TP53BP1: variants seen among roughly 807,000 people sequenced by gnomAD.
TP53BP1 encodes TP53-binding protein 1.
A neutral mutation model predicts 200.8 loss-of-function variants in TP53BP1; 61 were observed. That is an observed-to-expected ratio of 0.30 (90% CI 0.25 to 0.38). TP53BP1 has a LOEUF of 0.38. Among genes scored for constraint, TP53BP1 ranks in the 10% least tolerant of loss-of-function variants. The pLI, the probability that TP53BP1 is intolerant of heterozygous loss-of-function variation, is 1.00. For synonymous variants in TP53BP1, 822 were observed against 844.3 expected, an observed-to-expected ratio of 0.97 and a Z score of 0.46; for missense variants, 2,144 against 2,371.9, an observed-to-expected ratio of 0.90 and a Z score of 2.00.
intron 15 of TP53BP1, among the ~76,000 whole-genome samples, chr15:43,440,121 A>T (rs905737539): frequency 1.3e-5 from 2 of 152,210 alleles, no homozygotes; most frequent in African/African-American, 4.8e-5. Context: ...CTTTTATTTG[A>T]TATTTTATTT....
chr15:43,507,073 T>C (rs1198716290), intron 1 of TP53BP1, among the ~76,000 whole-genome samples: 1 of 152,196 alleles, frequency 6.6e-6, no homozygotes, highest in Non-Finnish European at 1.5e-5. Context: ...CTGTGGAATG[T>C]ACTTTCACTT....
In TP53BP1 at chr15:43,480,001, C is replaced by A. The variant is rs922763206; in HGVS notation, c.516G>T (p.Gln172His). ...SLGAEDTASS[Q>H]LGFGVLELSQ... ...AGAGTTCCAGAACCCCAAAACCCAA[C>A]TGTGATGAGGCAGTATCTAGGAACA... The change falls in exon 6 of 28, where the codon CAG (glutamine) becomes CAT (histidine). Residue 172 changes from glutamine to histidine, a missense_variant. Physicochemically the swap from Gln to His is conservative, Grantham distance 24. Around this residue, in one of 4 missense-constraint regions of TP53BP1, gnomAD observed 1,700 missense variants for 1,710.3 expected, o/e 0.99. Coordinates refer to ENST00000382044, the MANE Select transcript of TP53BP1 (RefSeq NM_001141980.3). 6.2e-7 allele frequency: 1 copy of A among 1,613,968 alleles called. No homozygotes were observed. Among genetic ancestry groups the A allele is most frequent in the African/African-American group, 1.3e-5 (1 of 74,896 alleles).
intron 12 of TP53BP1, among the ~76,000 whole-genome samples, chr15:43,452,177 A>C (rs1055156161): frequency 6.6e-6 from 1 of 152,016 alleles, no homozygotes; most frequent in African/African-American, 2.4e-5. Flanking sequence ...TTTAGCAACT[A>C]AACAACTATA....
intron 1 of TP53BP1, among the ~76,000 whole-genome samples, chr15:43,492,723 C>T (rs983995051): frequency 6.6e-6 from 1 of 151,704 alleles, no homozygotes; most frequent in African/African-American, 2.4e-5. Flanking sequence ...ACACCCTTTC[C>T]CCTCCTTCCT....
At chr15:43,412,635 C>G (rs1162172459) in intron 24 of TP53BP1, 2 of 469,936 alleles carry the variant, frequency 4.3e-6, no homozygotes, top group African/African-American at 4.0e-5. Flanking sequence ...AGGCACCCCA[C>G]AGTCCCAGTC....
rs16957715 is a variant in TP53BP1, at chr15:43,416,539, T to G, written c.4682-123A>C. 152,500 of 868,182 alleles carry G rather than the reference T, an allele frequency of 0.18. 14,778 individuals carry two copies. Among genetic ancestry groups the G allele is most frequent in the Middle Eastern group, 0.25 (952 of 3,756 alleles). The allele number at this position is 868,182 out of a possible 1,614,324, so 53.8% of individuals were successfully genotyped here. A position where few individuals can be genotyped will look rare whatever the true frequency, so the allele number is the denominator to read the frequency against. ...TAGAGATCCAACAGTGGACTGAAGT[T>G]AGGACTTAACAAAATTCCAGTTGTC... On this transcript the variant is annotated intron_variant, in intron 21 of 27. Coordinates refer to ENST00000382044, the MANE Select transcript of TP53BP1 (RefSeq NM_001141980.3).
chr15:43,495,495 TCACACACACACACA>T (rs376410840), upstream of TP53BP1, among the ~76,000 whole-genome samples: 22 of 133,458 alleles, frequency 1.6e-4, no homozygotes, highest in Non-Finnish European at 2.9e-4. Flanking sequence ...TGAGACTCCG[TCACACACACACACA>T]CACACACACA....
At chr15:43,436,694 G>A (rs1420207100) in intron 16 of TP53BP1, among the ~76,000 whole-genome samples, 2 of 151,256 alleles carry the variant, frequency 1.3e-5, no homozygotes, top group East Asian at 3.9e-4. Context: ...TGTCACCCAG[G>A]CTCATCTCAA....
chr15:43,463,632 G>T (rs1033870555), intron 11 of TP53BP1, among the ~76,000 whole-genome samples: 1 of 152,064 alleles, frequency 6.6e-6, no homozygotes, highest in South Asian at 2.1e-4. Flanking sequence ...GAAGAAAAGA[G>T]AACTGCAAAA....
At chr15:43,468,910 A>G (rs896773092) in intron 11 of TP53BP1, among the ~76,000 whole-genome samples, 9 of 152,252 alleles carry the variant, frequency 5.9e-5, no homozygotes, top group Admixed American at 1.3e-4. Flanking sequence ...AAATCCTTTA[A>G]CAAAACAAGT....
chr15:43,448,641 G>A (rs914196189), intron 12 of TP53BP1, among the ~76,000 whole-genome samples: 1 of 151,632 alleles, frequency 6.6e-6, no homozygotes, highest in African/African-American at 2.4e-5. Flanking sequence ...CCGGGTTCAT[G>A]CCATTCTCCT....
chr15:43,482,024 G>A (rs1000313557), intron 4 of TP53BP1, among the ~76,000 whole-genome samples: 5 of 150,726 alleles, frequency 3.3e-5, no homozygotes, highest in Non-Finnish European at 3.0e-5. Context: ...TCAGGAGATC[G>A]AGACCATCCT....
At chr15:43,438,227 C>A (rs2045845592) in intron 16 of TP53BP1, 97 bp downstream of exon 16, 6 of 1,021,544 alleles carry the variant, frequency 5.9e-6, no homozygotes, top group Admixed American at 2.4e-5. Context: ...CCAACACATG[C>A]CACATTCAAA....
Position 43,420,262 on chromosome 15 carries a change from C to T in TP53BP1, c.4681+43G>A, listed in dbSNP as rs546733631. The T allele has an allele frequency of 8.9e-5, 141 of 1,575,504 alleles. 3 individuals are homozygous for T. The South Asian group carries it at 1.6e-3, about 18-fold the overall frequency. ...CTAACATAACAGAGTATTATTGCCC[C>T]AAGGCACAAAAAAATCTCTACAAAC... On this transcript the variant is annotated intron_variant, in intron 21 of 27. Coordinates refer to ENST00000382044, the MANE Select transcript of TP53BP1 (RefSeq NM_001141980.3).
At chr15:43,509,043 C>T (rs1394059726) in intron 1 of TP53BP1, among the ~76,000 whole-genome samples, 1 of 152,072 alleles carries the variant, frequency 6.6e-6, no homozygotes, top group Non-Finnish European at 1.5e-5. Context: ...TAGTTAGCGG[C>T]CTCATCTCTG....
chr15:43,486,251 C>T (rs2079045860), intron 4 of TP53BP1, among the ~76,000 whole-genome samples: 1 of 152,142 alleles, frequency 6.6e-6, no homozygotes, highest in Non-Finnish European at 1.5e-5. Context: ...TGGCACATGC[C>T]TGTAATCCCA....
chr15:43,463,953 T>A (rs1394131503), intron 11 of TP53BP1, among the ~76,000 whole-genome samples: 1 of 152,134 alleles, frequency 6.6e-6, no homozygotes, highest in Non-Finnish European at 1.5e-5. Context: ...AGACCTCTAG[T>A]ACAGCCAGGC....
At position 43,456,339 on chromosome 15, in the gene TP53BP1, C is replaced by G; in HGVS notation, c.2269G>C (p.Glu757Gln). ...EQEAWEEATS[E>Q]DSSVVIVDVK... ...TCTACAATGACAACACTGGAGTCCTCTGAAGTAGCTTCTTCCCAAGCTTCC... is the reference window on the plus strand; with the variant it reads ...TCTACAATGACAACACTGGAGTCCTGTGAAGTAGCTTCTTCCCAAGCTTCC... Residue 757 changes from glutamate (E) to glutamine (Q), a missense_variant, in exon 12 of 28, where the codon GAG becomes CAG. This residue lies in a region of TP53BP1 where 1,700 missense variants were observed against 1,710.3 expected (regional missense o/e 0.99). Coordinates refer to ENST00000382044, the MANE Select transcript of TP53BP1 (RefSeq NM_001141980.3). The G allele has an allele frequency of 6.2e-7, 1 of 1,612,728 alleles. No individual in the cohort carries two copies. The highest frequency in any genetic ancestry group is 1.1e-5 in the South Asian group (1 of 90,546).
intron 11 of TP53BP1, among the ~76,000 whole-genome samples, chr15:43,461,197 C>A (rs1241427798): frequency 6.6e-6 from 1 of 151,110 alleles, no homozygotes; most frequent in African/African-American, 2.5e-5. Context: ...TATGAAATAC[C>A]TTAAATGGTT....
Sources: gnomAD v4.1 joint callset for allele counts (sites outside exome capture counted in the v4.1 genomes callset) on GRCh38, gnomAD v4.1.1 for gene constraint, gnomAD v4.1.1 regional missense constraint, MANE v1.5 for transcripts, NCBI Gene and HGNC (gene_info 2026-07-23, HGNC 2026-07-21) for gene names.